Variants in KRTCAP3 observed in about 807,000 individuals in gnomAD.
The protein encoded by KRTCAP3 is keratinocyte associated protein 3.
Under a neutral mutation model 20.5 loss-of-function variants are expected in KRTCAP3, and 18 were observed. The ratio of observed to expected loss-of-function variants is 0.88; its 90% CI spans 0.61 to 1.31. KRTCAP3 has a LOEUF of 1.31. Ranked by LOEUF, KRTCAP3 falls within the 50% of genes most tolerant of loss-of-function variation. KRTCAP3 has a pLI of 0.00. For synonymous variants in KRTCAP3, 167 were observed against 133.7 expected (o/e 1.25, Z -1.72); for missense variants, 347 against 310.4 (o/e 1.12, Z -0.89).
intron 6 of KRTCAP3, 26 bp downstream of exon 6, chr2:27,444,087 C>G (rs199933840): frequency 7.8e-7 from 1 of 1,279,614 alleles, no homozygotes; most frequent in African/African-American, 1.5e-5. Context: ...GGTGGTGGCC[C>G]GGGTAAGAGC....
At chr2:27,444,775 G>A (rs1467373191), downstream of KRTCAP3, among the ~76,000 whole-genome samples, 1 of 152,122 alleles carries the variant, frequency 6.6e-6, no homozygotes, top group Non-Finnish European at 1.5e-5. Flanking sequence ...AGCCTCCTGA[G>A]TAGCTGGGAT....
At chr2:27,442,546 C>T (rs1664667582) in intron 1 of KRTCAP3, 33 bp from the exon 2 acceptor site, 4 of 1,533,822 alleles carry the variant, frequency 2.6e-6, no homozygotes, top group South Asian at 1.2e-5. Flanking sequence ...CCTCCCCGCC[C>T]GACTCAACCC....
downstream of KRTCAP3, chr2:27,445,479 T>G (rs1220490484): frequency 1.2e-6 from 2 of 1,600,466 alleles, no homozygotes; most frequent in South Asian, 2.2e-5. This position sits in a 1 kb window ranked among gnomAD's most constrained non-coding sequence, Gnocchi z 4.4. Context: ...AGTGGTAGCT[T>G]CACACAGGGC....
intron 4 of KRTCAP3, 58 bp from the exon 5 acceptor site, chr2:27,443,340 C>T: frequency 1.2e-6 from 2 of 1,613,296 alleles, no homozygotes; most frequent in Admixed American, 3.3e-5. Context: ...CTTTTAATTT[C>T]CCCTATTTGC....
downstream of KRTCAP3, chr2:27,444,519 G>A (rs1251117147): frequency 6.2e-7 from 1 of 1,612,878 alleles, no homozygotes; most frequent in African/African-American, 1.3e-5. Flanking sequence ...GGCTGTGGGA[G>A]GTCTGTGAGC....
chr2:27,444,352 T>C (rs1664837766), downstream of KRTCAP3: 1 of 883,774 alleles, frequency 1.1e-6, no homozygotes, highest in African/African-American at 1.7e-5. Flanking sequence ...GGAATGACTT[T>C]GATCAAAGAA....
rs562761804 is a variant in KRTCAP3, at chr2:27,442,710, G to T, written c.160G>T (p.Val54Phe). ...GCACGTGGCCAATCCCCGCGGCGCTGTCACGCCGGAGTACACCGTAGCCAA... is the reference window on the plus strand; with the variant it reads ...GCACGTGGCCAATCCCCGCGGCGCTTTCACGCCGGAGTACACCGTAGCCAA... ...LRHVANPRGAVTPEYTVANVI... is the reference protein window; with the variant it reads ...LRHVANPRGAFTPEYTVANVI... The change falls in exon 2 of 7, where the codon GTC becomes TTC. Residue 54 changes from valine to phenylalanine, a missense_variant. Transcript: ENST00000288873. The T allele has an allele frequency of 1.3e-6, 2 of 1,595,722 alleles. No homozygotes were observed. Among genetic ancestry groups the T allele is most frequent in the South Asian group, 2.2e-5 (2 of 89,484 alleles).
downstream of KRTCAP3, chr2:27,445,932 G>A (rs369400518): frequency 3.7e-6 from 6 of 1,614,036 alleles, no homozygotes; most frequent in Middle Eastern, 1.6e-4. This position sits in a 1 kb window ranked among gnomAD's most constrained non-coding sequence, Gnocchi z 4.4. Context: ...TACTCACATC[G>A]GTCAGGTCCA....
At chr2:27,445,069 C>A, downstream of KRTCAP3, 1 of 1,614,022 alleles carries the variant, frequency 6.2e-7, no homozygotes, top group Middle Eastern at 1.6e-4. This position sits in a 1 kb window ranked among gnomAD's most constrained non-coding sequence, Gnocchi z 4.4. Flanking sequence ...CTTCCCTGGC[C>A]GCTTAAATTC....
chr2:27,445,105 C>A, downstream of KRTCAP3: 1 of 1,613,782 alleles, frequency 6.2e-7, no homozygotes, highest in Non-Finnish European at 8.5e-7. The surrounding 1 kb of genome is among the most constrained non-coding windows in gnomAD (Gnocchi z 4.4). Flanking sequence ...AATGGGGTAT[C>A]CTGTGGAGGA....
At position 27,443,528 on chromosome 2, in the gene KRTCAP3, G is replaced by C. The variant is rs747449052; in HGVS notation, c.611G>C (p.Gly204Ala). 2.0e-5 allele frequency: 33 copies of C among 1,614,070 alleles called. No homozygotes were observed. The South Asian group carries it at 3.6e-4, about 18-fold the overall frequency. The change falls in exon 5 of 7, where the codon GGG becomes GCG. Residue 204 changes from glycine to alanine, a missense_variant. By Grantham distance (60) the Gly-to-Ala change is moderately conservative. Transcript: ENST00000288873. ...VGPCRKDGLQ[G>A]QLEEMTELES... ...CCCTGCAGGAAGGACGGACTTCAGG[G>C]GCAGGTAAGGAAGGCAAACAGGAAG...
At chr2:27,444,687 G>A (rs185432065), downstream of KRTCAP3, among the ~76,000 whole-genome samples, 28 of 152,126 alleles carry the variant, frequency 1.8e-4, no homozygotes, top group East Asian at 3.1e-3. Context: ...TTGCTTTGTC[G>A]CCCAGGCTGG....
downstream of KRTCAP3, chr2:27,445,507 G>A: frequency 6.4e-7 from 1 of 1,550,718 alleles, no homozygotes; most frequent in Middle Eastern, 2.2e-4. The surrounding 1 kb of genome is among the most constrained non-coding windows in gnomAD (Gnocchi z 4.4). Context: ...GACAAGTTGG[G>A]GTGGATGGGT....
At chr2:27,443,675 T>TTGG (rs1664761663) in intron 5 of KRTCAP3, 143 bp downstream of exon 5, 16 of 852,832 alleles carry the variant, frequency 1.9e-5, no homozygotes, top group Non-Finnish European at 2.9e-5. Flanking sequence ...GGTCAGGAGT[T>TTGG]TGAGACCAGC....
downstream of KRTCAP3, chr2:27,446,326 T>G (rs370933808): frequency 6.2e-7 from 1 of 1,614,160 alleles, no homozygotes; most frequent in Non-Finnish European, 8.5e-7. Flanking sequence ...GACGCAAGAG[T>G]GAAACAGAAA....
chr2:27,446,187 A>G (rs1665078521), downstream of KRTCAP3: 1 of 1,469,306 alleles, frequency 6.8e-7, no homozygotes, highest in Admixed American at 1.7e-5. Flanking sequence ...CCTCTACCAG[A>G]GCAGAAGGGA....
chr2:27,445,374 G>A (rs139348179), downstream of KRTCAP3: 1,748 of 1,612,924 alleles, frequency 1.1e-3, 36 homozygotes, highest in South Asian at 0.018. This position sits in a 1 kb window ranked among gnomAD's most constrained non-coding sequence, Gnocchi z 4.4. Context: ...CGCTCATCCC[G>A]AGGCAGAACC....
downstream of KRTCAP3, chr2:27,444,650 GTTTT>G: frequency 3.2e-6 from 2 of 620,952 alleles, no homozygotes; most frequent in Non-Finnish European, 5.2e-6. Context: ...GTGTATGTGG[GTTTT>G]TTGTTTGTTT....
intron 4 of KRTCAP3, 56 bp downstream of exon 4, chr2:27,443,336 A>G (rs1664736975): frequency 6.2e-7 from 1 of 1,612,886 alleles, no homozygotes; most frequent in Non-Finnish European, 8.5e-7. Context: ...TGCCCTTTTA[A>G]TTTCCCCTAT....
Sources: allele counts gnomAD v4.1 joint callset (sites outside exome capture counted in the v4.1 genomes callset), GRCh38; gene constraint gnomAD v4.1.1; non-coding constraint Gnocchi (gnomAD v3.1); transcripts MANE v1.5; gene names NCBI Gene and HGNC (gene_info 2026-07-23, HGNC 2026-07-21).